The following PACS1 variants were observed in gnomAD, a reference collection of about 807,000 sequenced individuals.
PACS1 encodes the protein phosphofurin acidic cluster sorting protein 1.
A neutral mutation model predicts 115.0 loss-of-function variants in PACS1; 24 were observed. The ratio of observed to expected loss-of-function variants is 0.21; its 90% CI spans 0.15 to 0.29. The LOEUF (loss-of-function observed/expected upper bound fraction) is 0.29, where lower values mean the gene tolerates loss of function less well. Ranked by LOEUF, PACS1 falls within the 10% of genes least tolerant of loss-of-function variation. The probability of loss-of-function intolerance (pLI) is 1.00; values close to 1 mark genes in which losing one functional copy is unlikely to be tolerated. For missense variants in PACS1, 838 were observed against 1,251.2 expected (o/e 0.67, Z 4.98); for synonymous variants, 453 against 504.5 (o/e 0.90, Z 1.37).
intron 1 of PACS1, among the ~76,000 whole-genome samples, chr11:66,135,673 T>A (rs933805804): frequency 2.1e-4 from 32 of 151,492 alleles, no homozygotes; most frequent in Admixed American, 1.1e-3. Flanking sequence ...TTTTTTTTTT[T>A]TGAGACAGAG....
intron 2 of PACS1, among the ~76,000 whole-genome samples, chr11:66,209,357 T>G (rs1228852467): frequency 3.3e-5 from 5 of 150,482 alleles, no homozygotes; most frequent in African/African-American, 1.2e-4. Flanking sequence ...ACCCAAATAT[T>G]AGGTTTGGAG....
chr11:66,160,234 A>G (rs761056814), intron 1 of PACS1, among the ~76,000 whole-genome samples: 1 of 152,214 alleles, frequency 6.6e-6, no homozygotes. Context: ...GATTGGTGCT[A>G]GATCCTGGCT....
chr11:66,105,171 C>A (rs1459896996), intron 1 of PACS1, among the ~76,000 whole-genome samples: 1 of 152,118 alleles, frequency 6.6e-6, no homozygotes, highest in Non-Finnish European at 1.5e-5. Context: ...CTCCTGTAAT[C>A]CCAACACTTT....
chr11:66,161,885 C>T (rs1256511322), intron 1 of PACS1, among the ~76,000 whole-genome samples: 1 of 152,052 alleles, frequency 6.6e-6, no homozygotes, highest in Non-Finnish European at 1.5e-5. Context: ...AGGTTGGATT[C>T]CAGGAGGAAT....
intron 1 of PACS1, among the ~76,000 whole-genome samples, chr11:66,136,580 A>G (rs1162297730): frequency 6.6e-6 from 1 of 151,996 alleles, no homozygotes; most frequent in Admixed American, 6.6e-5. Flanking sequence ...ATAGAATTGC[A>G]TAATTTTAGG....
At chr11:66,243,134 C>T in intron 23 of PACS1, 31 bp from the exon 24 acceptor site, 2 of 1,611,226 alleles carry the variant, frequency 1.2e-6, no homozygotes, top group Non-Finnish European at 1.7e-6. Context: ...CCTGAGCAGT[C>T]TGGTCACCCC....
Position 66,156,071 on chromosome 11 carries a change from G to A in PACS1, c.357-37415G>A, listed in dbSNP as rs142092836. Among the ~76,000 whole-genome samples the A allele has an allele frequency of 4.6e-5, 7 of 151,704 alleles. No individual in the cohort carries two copies. The South Asian group carries it at 1.0e-3, about 23-fold the overall frequency. On this transcript the variant is annotated intron_variant, in intron 1 of 23. Coordinates refer to ENST00000320580, the MANE Select transcript of PACS1 (RefSeq NM_018026.4). ...GGTGGAGGGAAGATTGCAAAGAGGC[G>A]TAAAGGAACTTTCAAGGGTGATGGA...
rs556579217 is a variant in PACS1, at chr11:66,088,166, A to ATATT, written c.356+17346_356+17349dup. 1.9e-3 allele frequency among the ~76,000 whole-genome samples: 283 copies of ATATT among 151,380 alleles called. 1 individual carries two copies. The highest frequency in any genetic ancestry group is 4.4e-3 in the African/African-American group (182 of 41,324). On this transcript the variant is annotated intron_variant, in intron 1 of 23. Coordinates refer to ENST00000320580, the MANE Select transcript of PACS1 (RefSeq NM_018026.4). ...TCTGTGTGTTCCTTTTTTACTCTTT[A>ATATT]TATTTATTTATTTATTTATTTATTT...
intron 2 of PACS1, among the ~76,000 whole-genome samples, chr11:66,205,253 G>T (rs186689050): frequency 0.016 from 2,478 of 152,148 alleles, 28 homozygotes; most frequent in Non-Finnish European, 0.025. Flanking sequence ...CCAAAGTGCT[G>T]GGATTACAGG....
chr11:66,238,041 C>T, intron 19 of PACS1: 1 of 985,286 alleles, frequency 1.0e-6, no homozygotes, highest in Non-Finnish European at 1.2e-6. Flanking sequence ...CAGGACTTTA[C>T]CTGTCACTTC....
At chr11:66,240,890 C>A (rs1467468033) in intron 21 of PACS1, 3 of 152,366 alleles carry the variant, frequency 2.0e-5, no homozygotes, top group Non-Finnish European at 2.9e-5. Flanking sequence ...ACATACCAGC[C>A]CTTCTCCCGG....
At chr11:66,207,625 G>A (rs1054684930) in intron 2 of PACS1, among the ~76,000 whole-genome samples, 2 of 152,174 alleles carry the variant, frequency 1.3e-5, no homozygotes, top group Non-Finnish European at 2.9e-5. Flanking sequence ...TATAGCACTC[G>A]AGCTTCCGGG....
chr11:66,230,467 G>A (rs1303680241), intron 11 of PACS1, 81 bp from the exon 12 acceptor site: 1 of 895,496 alleles, frequency 1.1e-6, no homozygotes, highest in Non-Finnish European at 1.9e-6. Context: ...GGATGGTGAT[G>A]GGGCCTGGCC....
Position 66,235,408 on chromosome 11 carries a change from G to C in PACS1, c.2207+5G>C, listed in dbSNP as rs1285923468. On this transcript the variant is annotated splice_donor_5th_base_variant and intron_variant, in intron 18 of 23. Coordinates refer to ENST00000320580, the MANE Select transcript of PACS1 (RefSeq NM_018026.4). This position sits in a 1 kb window ranked among gnomAD's most constrained non-coding sequence, Gnocchi z 5.6. ...GCTGACTTGCCGGCATAAGTTGTAA[G>C]TTTGACTTTGAGGGGTTTCTTAAAA... 7.5e-6 allele frequency: 12 copies of C among 1,608,102 alleles called. No homozygotes were observed. In the Admixed American group the frequency reaches 2.0e-4, roughly 27 times the overall value.
At chr11:66,071,336 A>C (rs1313356873) in intron 1 of PACS1, among the ~76,000 whole-genome samples, 4 of 152,108 alleles carry the variant, frequency 2.6e-5, no homozygotes, top group Non-Finnish European at 5.9e-5. Context: ...GTTCATTTGA[A>C]CTTCATATTA....
chr11:66,160,663 A>ATTTTTT (rs58145434), intron 1 of PACS1, among the ~76,000 whole-genome samples: 3 of 116,220 alleles, frequency 2.6e-5, no homozygotes, highest in Non-Finnish European at 5.2e-5. Flanking sequence ...TGCCTGGCTG[A>ATTTTTT]TTTTTTTTTT....
intron 4 of PACS1, among the ~76,000 whole-genome samples, chr11:66,213,488 A>G (rs1006308427): frequency 6.6e-6 from 1 of 152,200 alleles, no homozygotes; most frequent in Non-Finnish European, 1.5e-5. Flanking sequence ...GGTGTTCAGA[A>G]ACCAAGATCT....
At chr11:66,142,984 T>C (rs566651811) in intron 1 of PACS1, among the ~76,000 whole-genome samples, 2 of 151,918 alleles carry the variant, frequency 1.3e-5, no homozygotes, top group South Asian at 4.2e-4. Flanking sequence ...GGGGCTTGAA[T>C]AGAAATTCCA....
chr11:66,157,756 G>A (rs1224653146), intron 1 of PACS1, among the ~76,000 whole-genome samples: 1 of 151,222 alleles, frequency 6.6e-6, no homozygotes, highest in African/African-American at 2.4e-5. Flanking sequence ...CAGAGCAACT[G>A]ACCCATCCTT....
Sources: gnomAD v4.1 joint callset for allele counts (sites outside exome capture counted in the v4.1 genomes callset) on GRCh38, gnomAD v4.1.1 for gene constraint, Gnocchi (gnomAD v3.1) non-coding constraint, MANE v1.5 for transcripts, NCBI Gene and HGNC (gene_info 2026-07-23, HGNC 2026-07-21) for gene names.